YAE1: variants seen among roughly 807,000 people sequenced by gnomAD.
YAE1 encodes the protein YAE1 maturation factor of ABCE1.
In YAE1, 22 loss-of-function variants were observed where a neutral mutation model predicts 23.0. The ratio of observed to expected loss-of-function variants is 0.96; its 90% CI spans 0.68 to 1.37. The LOEUF (loss-of-function observed/expected upper bound fraction) is 1.37, where lower values mean the gene tolerates loss of function less well. Ranked by LOEUF, YAE1 falls within the 40% of genes most tolerant of loss-of-function variation. The pLI, the probability that YAE1 is intolerant of heterozygous loss-of-function variation, is 0.00. For missense variants in YAE1, 260 were observed against 262.1 expected (o/e 0.99, Z 0.06); for synonymous variants, 101 against 97.0 (o/e 1.04, Z -0.24).
intron 1 of YAE1, chr7:39,569,434 T>C: frequency 2.1e-6 from 1 of 487,252 alleles, no homozygotes; most frequent in Non-Finnish European, 4.1e-6. Flanking sequence ...CTGTGGAAAG[T>C]CTTTGTTCCT....
chr7:39,584,291 G>T (rs1317880811), intron 2 of YAE1, among the ~76,000 whole-genome samples: 3 of 152,118 alleles, frequency 2.0e-5, no homozygotes, highest in Non-Finnish European at 4.4e-5. Context: ...TTTTTTGTTT[G>T]TTCGCCAGAG....
chr7:39,589,172 A>G (rs1024151388), intron 2 of YAE1, among the ~76,000 whole-genome samples: 1 of 152,150 alleles, frequency 6.6e-6, no homozygotes, highest in Non-Finnish European at 1.5e-5. Context: ...AATAAGTCAC[A>G]TACTAACTTT....
chr7:39,585,321 T>C (rs532989957), intron 2 of YAE1, among the ~76,000 whole-genome samples: 1 of 152,160 alleles, frequency 6.6e-6, no homozygotes, highest in Non-Finnish European at 1.5e-5. Flanking sequence ...GGTGACTGTA[T>C]TTGGAGATAG....
chr7:39,603,430 G>T (rs369382453), intron 2 of YAE1, among the ~76,000 whole-genome samples: 1 of 152,180 alleles, frequency 6.6e-6, no homozygotes, highest in Non-Finnish European at 1.5e-5. Context: ...GAGCCACCGC[G>T]CCCGGCTCAT....
chr7:39,583,667 A>G (rs28510322), intron 2 of YAE1, among the ~76,000 whole-genome samples: 1 of 152,242 alleles, frequency 6.6e-6, no homozygotes, highest in African/African-American at 2.4e-5. Context: ...TGTATTTCCC[A>G]GGAGATCTGA....
intron 2 of YAE1, among the ~76,000 whole-genome samples, chr7:39,585,796 G>C (rs1042459220): frequency 6.6e-6 from 1 of 152,156 alleles, no homozygotes; most frequent in African/African-American, 2.4e-5. Context: ...AAAACTGCTT[G>C]CTCTTTTCAC....
At chr7:39,573,885 A>C (rs1302053203), downstream of YAE1, among the ~76,000 whole-genome samples, 1 of 152,214 alleles carries the variant, frequency 6.6e-6, no homozygotes, top group East Asian at 1.9e-4. Context: ...AGCTGGCTAA[A>C]AAAAGCTCTT....
chr7:39,577,632 T>A (rs2115790505), downstream of YAE1, among the ~76,000 whole-genome samples: 1 of 152,286 alleles, frequency 6.6e-6, no homozygotes, highest in East Asian at 1.9e-4. Context: ...CTCAGCTGCC[T>A]CCCCGGTGGG....
At chr7:39,602,705 G>C (rs1173250513) in intron 2 of YAE1, among the ~76,000 whole-genome samples, 2 of 152,052 alleles carry the variant, frequency 1.3e-5, no homozygotes, top group East Asian at 3.8e-4. Context: ...GAAGAAAACA[G>C]AGATTGAAAT....
chr7:39,600,166 T>C (rs935018850), intron 2 of YAE1, among the ~76,000 whole-genome samples: 5 of 152,208 alleles, frequency 3.3e-5, no homozygotes, highest in African/African-American at 4.8e-5. Flanking sequence ...TAAATATTTG[T>C]TAAGGAAATA....
At chr7:39,602,817 C>T (rs1256274690) in intron 2 of YAE1, among the ~76,000 whole-genome samples, 2 of 152,142 alleles carry the variant, frequency 1.3e-5, no homozygotes, top group Non-Finnish European at 2.9e-5. Context: ...GGCACAATCT[C>T]AGTTCACCGC....
intron 2 of YAE1, among the ~76,000 whole-genome samples, chr7:39,578,420 A>G (rs963689333): frequency 6.6e-6 from 1 of 152,198 alleles, no homozygotes; most frequent in African/African-American, 2.4e-5. Flanking sequence ...GTCTAGTTCC[A>G]TGTTGTGGAA....
At position 39,572,469 on chromosome 7, in the gene YAE1, T is replaced by C. The variant is rs376158043; in HGVS notation, c.444T>C (p.Ala148=). Residue 148 remains alanine (A), a synonymous_variant, in exon 3 of 3, where the codon GCT becomes GCC. Transcript: ENST00000223273. ...TGGACCTTTGTCATGTAGTTCCAGCTGAGAAAAAGATTGATGAAGCTAAAG... is the reference window on the plus strand; with the variant it reads ...TGGACCTTTGTCATGTAGTTCCAGCCGAGAAAAAGATTGATGAAGCTAAAG... The part of the protein sequence containing the change: ...EDMDLCHVVP[A]EKKIDEAKDE... The C allele has an allele frequency of 2.6e-4, 417 of 1,614,146 alleles. 1 individual carries two copies. Among genetic ancestry groups the C allele is most frequent in the Non-Finnish European group, 3.1e-4 (369 of 1,179,992 alleles).
chr7:39,575,545 A>G (rs904412818), downstream of YAE1, among the ~76,000 whole-genome samples: 27 of 79,460 alleles, frequency 3.4e-4, no homozygotes, highest in African/African-American at 2.1e-3. Flanking sequence ...CAGGAGAGAG[A>G]GAGAGAGAGA....
At chr7:39,589,207 A>T (rs1353876468) in intron 2 of YAE1, among the ~76,000 whole-genome samples, 2 of 152,196 alleles carry the variant, frequency 1.3e-5, no homozygotes, top group African/African-American at 4.8e-5. Context: ...TACCTTACAG[A>T]TTGATGAAGT....
intron 2 of YAE1, among the ~76,000 whole-genome samples, chr7:39,589,042 G>A (rs892635801): frequency 1.3e-5 from 2 of 151,964 alleles, no homozygotes; most frequent in Non-Finnish European, 2.9e-5. Flanking sequence ...GGCTGGTCTC[G>A]AACTCGTGGC....
chr7:39,606,300 A>G (rs996301000), intron 2 of YAE1, among the ~76,000 whole-genome samples: 3 of 152,240 alleles, frequency 2.0e-5, no homozygotes, highest in Non-Finnish European at 4.4e-5. Context: ...TTTCAAAAAT[A>G]CAGAGACATT....
At chr7:39,589,815 G>T (rs1455814208) in intron 2 of YAE1, among the ~76,000 whole-genome samples, 1 of 152,150 alleles carries the variant, frequency 6.6e-6, no homozygotes, top group Non-Finnish European at 1.5e-5. Context: ...AAGACCAAAG[G>T]AGCTGCAGGC....
At chr7:39,567,560 T>C (rs1287888373) in intron 1 of YAE1, among the ~76,000 whole-genome samples, 1 of 152,120 alleles carries the variant, frequency 6.6e-6, no homozygotes, top group Non-Finnish European at 1.5e-5. Flanking sequence ...GATGTGTAAT[T>C]TTCCATATAT....
Sources: gnomAD v4.1 joint callset for allele counts (sites outside exome capture counted in the v4.1 genomes callset) on GRCh38, gnomAD v4.1.1 for gene constraint, MANE v1.5 for transcripts, NCBI Gene and HGNC (gene_info 2026-07-23, HGNC 2026-07-21) for gene names.